BNC2: variants seen among roughly 807,000 people sequenced by gnomAD.
BNC2 encodes the protein zinc finger protein basonuclin-2.
In BNC2, 20 loss-of-function variants were observed where a neutral mutation model predicts 76.3. The ratio of observed to expected loss-of-function variants is 0.26; its 90% CI spans 0.18 to 0.38. BNC2 has a LOEUF of 0.38. BNC2 is among the 10% of genes least tolerant of loss of function. BNC2 has a pLI of 1.00. For missense variants in BNC2, 1,382 were observed against 1,399.8 expected (o/e 0.99, Z 0.20); for synonymous variants, 582 against 514.8 (o/e 1.13, Z -1.77).
chr9:16,480,558 C>G (rs1206775788), intron 5 of BNC2, among the ~76,000 whole-genome samples: 1 of 152,172 alleles, frequency 6.6e-6, no homozygotes, highest in Non-Finnish European at 1.5e-5. Flanking sequence ...TGCGGGCCAG[C>G]TGGAGTTCCG....
At chr9:16,703,681 C>G (rs995985871) in intron 3 of BNC2, among the ~76,000 whole-genome samples, 3 of 152,070 alleles carry the variant, frequency 2.0e-5, no homozygotes, top group Non-Finnish European at 4.4e-5. Context: ...AGGGGTCTAT[C>G]TTGACAAAAT....
At chr9:16,555,921 A>C (rs1053553182) in intron 4 of BNC2, among the ~76,000 whole-genome samples, 20 of 152,234 alleles carry the variant, frequency 1.3e-4, no homozygotes, top group African/African-American at 4.6e-4. Flanking sequence ...ATTCTCTTTC[A>C]CACCTATTCA....
intron 1 of BNC2, among the ~76,000 whole-genome samples, chr9:16,777,753 G>A (rs113970472): frequency 1.8e-4 from 26 of 148,526 alleles, no homozygotes; most frequent in African/African-American, 5.4e-4. Context: ...TCAGAATCAC[G>A]CATGACTGTA....
chr9:16,546,148 A>G (rs955160469), intron 5 of BNC2, among the ~76,000 whole-genome samples: 8 of 152,256 alleles, frequency 5.3e-5, no homozygotes, highest in East Asian at 1.9e-4. Flanking sequence ...ACACATAGAT[A>G]TAAGTGAAAA....
At chr9:16,817,536 A>C (rs1818215065) in intron 1 of BNC2, among the ~76,000 whole-genome samples, 1 of 152,200 alleles carries the variant, frequency 6.6e-6, no homozygotes, top group Non-Finnish European at 1.5e-5. Flanking sequence ...TCAAAAAATA[A>C]AAAAGGTGAA....
intron 4 of BNC2, among the ~76,000 whole-genome samples, chr9:16,578,074 T>A (rs1327461863): frequency 2.0e-5 from 3 of 152,042 alleles, no homozygotes; most frequent in African/African-American, 4.8e-5. Flanking sequence ...AAAGAGATGG[T>A]CTTAACAAAT....
intron 1 of BNC2, among the ~76,000 whole-genome samples, chr9:16,742,575 CAG>C (rs900561312): frequency 6.6e-6 from 1 of 152,184 alleles, no homozygotes; most frequent in African/African-American, 2.4e-5. Flanking sequence ...GCTTTCCTAA[CAG>C]AGTCCTTTCT....
chr9:16,579,165 T>A (rs1319144434), intron 4 of BNC2, among the ~76,000 whole-genome samples: 1 of 152,178 alleles, frequency 6.6e-6, no homozygotes, highest in Non-Finnish European at 1.5e-5. Flanking sequence ...CTCCCTTAAC[T>A]CAATAGTGCT....
intron 1 of BNC2, among the ~76,000 whole-genome samples, chr9:16,795,728 G>A (rs1315083207): frequency 6.6e-6 from 1 of 152,176 alleles, no homozygotes; most frequent in African/African-American, 2.4e-5. Flanking sequence ...GTTCCCAAGG[G>A]TGTGAGATTT....
intron 2 of BNC2, 74 bp downstream of exon 2, chr9:16,738,286 A>T: frequency 6.7e-7 from 1 of 1,499,906 alleles, no homozygotes; most frequent in Non-Finnish European, 9.3e-7. Flanking sequence ...GGTGAGAGAT[A>T]TATCTTAACT....
chr9:16,729,912 C>A lies in BNC2; in HGVS notation c.130-1915G>T, dbSNP rs1824458143. On this transcript the variant is annotated intron_variant, in intron 2 of 6. Transcript: ENST00000380672. The stretch of plus-strand genomic sequence containing the variant: ...GGACACTGTCAATAGCAAGCTTCCT[C>A]CTCCTTCCACTCAGGCTCTGTTGTA... Among the ~76,000 whole-genome samples, 4 of 152,078 alleles carry A rather than the reference C, an allele frequency of 2.6e-5. No homozygotes were observed. The South Asian group carries it at 8.3e-4, about 32-fold the overall frequency.
rs1392426870 is a variant in BNC2, at chr9:16,498,294, A to G, written c.669+54236T>C. ...ATTCCATCATATATATATATATTCC[A>G]TCATATATATATATGAATATATGAT... On this transcript the variant is annotated intron_variant, in intron 5 of 6. Transcript: ENST00000380672. 4.0e-5 allele frequency among the ~76,000 whole-genome samples: 4 copies of G among 99,288 alleles called. 1 individual carries two copies. Among genetic ancestry groups the G allele is most frequent in the African/African-American group, 1.7e-4 (4 of 22,900 alleles). The allele number at this position is 99,288 out of a possible 152,430, so 65.1% of individuals were successfully genotyped here. A position where few individuals can be genotyped will look rare whatever the true frequency, so the allele number is the denominator to read the frequency against.
chr9:16,425,239 A>C (rs1267559382), intron 6 of BNC2, among the ~76,000 whole-genome samples: 6 of 152,226 alleles, frequency 3.9e-5, no homozygotes, highest in Admixed American at 3.3e-4. Context: ...CTTGAAGATA[A>C]GCTCCTACCA....
intron 3 of BNC2, among the ~76,000 whole-genome samples, chr9:16,669,331 C>A (rs942053757): frequency 2.0e-5 from 3 of 152,144 alleles, no homozygotes; most frequent in Non-Finnish European, 2.9e-5. Context: ...TTCTATCACA[C>A]CCCCAGGTTA....
intron 1 of BNC2, among the ~76,000 whole-genome samples, chr9:16,793,862 T>G (rs1456811464): frequency 1.6e-5 from 2 of 122,834 alleles, no homozygotes; most frequent in African/African-American, 6.5e-5. Flanking sequence ...TGGTTTTTGT[T>G]TTTTTGTTTT....
chr9:16,833,801 T>A (rs1366889253), intron 1 of BNC2, among the ~76,000 whole-genome samples: 7 of 152,214 alleles, frequency 4.6e-5, no homozygotes, highest in Non-Finnish European at 7.3e-5. Context: ...TCATTTCATT[T>A]AGAGTAGTAA....
intron 5 of BNC2, among the ~76,000 whole-genome samples, chr9:16,484,783 A>C (rs1822126782): frequency 6.6e-6 from 1 of 152,226 alleles, no homozygotes; most frequent in South Asian, 2.1e-4. Flanking sequence ...TTTAAAACAG[A>C]CATAATGAAC....
At chr9:16,734,523 G>A (rs777326519) in intron 2 of BNC2, among the ~76,000 whole-genome samples, 56 of 152,096 alleles carry the variant, frequency 3.7e-4, no homozygotes, top group Non-Finnish European at 7.4e-4. Context: ...AGATGGTTCT[G>A]GCCACCTTGA....
intron 5 of BNC2, among the ~76,000 whole-genome samples, chr9:16,541,195 GA>G (rs1818310157): frequency 6.6e-6 from 1 of 152,144 alleles, no homozygotes; most frequent in African/African-American, 2.4e-5. Flanking sequence ...ACCACAATTT[GA>G]ATCCAACGGA....
Sources: allele counts gnomAD v4.1 joint callset (sites outside exome capture counted in the v4.1 genomes callset), GRCh38; gene constraint gnomAD v4.1.1; transcripts MANE v1.5; gene names NCBI Gene and HGNC (gene_info 2026-07-23, HGNC 2026-07-21).